CA10: variants seen among roughly 807,000 people sequenced by gnomAD.
CA10 encodes the protein carbonic anhydrase-related protein 10.
CA10 carries 14 observed loss-of-function variants against 44.2 expected under a neutral mutation model. That is an observed-to-expected ratio of 0.32 (90% CI 0.21 to 0.50). The LOEUF (loss-of-function observed/expected upper bound fraction) is 0.50, where lower values mean the gene tolerates loss of function less well. Among genes scored for constraint, CA10 ranks in the 20% least tolerant of loss-of-function variants. The pLI is 0.99. For synonymous variants in CA10, 159 were observed against 141.6 expected (o/e 1.12, Z -0.87); for missense variants, 350 against 409.7 (o/e 0.85, Z 1.26).
At chr17:51,897,463 T>C (rs1326460683) in intron 3 of CA10, among the ~76,000 whole-genome samples, 1 of 152,208 alleles carries the variant, frequency 6.6e-6, no homozygotes, top group Non-Finnish European at 1.5e-5. Context: ...TTTTGGTTAC[T>C]GTAGCCTTGT....
rs190995078 is a variant in CA10, at chr17:51,833,999, C to T, written c.280-86181G>A. On this transcript the variant is annotated intron_variant, in intron 3 of 8. Transcript: ENST00000451037. ...CATGGTACGACCATGGAAAAGGATGCGAAGATGATTTATGTAACTTTCTTT... is the reference window on the plus strand; with the variant it reads ...CATGGTACGACCATGGAAAAGGATGTGAAGATGATTTATGTAACTTTCTTT... Among the ~76,000 whole-genome samples the T allele has an allele frequency of 4.4e-4, 67 of 152,260 alleles. 1 individual carries two copies. The highest frequency in any genetic ancestry group is 1.6e-3 in the African/African-American group (66 of 41,546).
intron 3 of CA10, among the ~76,000 whole-genome samples, chr17:51,902,961 T>TG (rs1981383465): frequency 6.6e-6 from 1 of 152,222 alleles, no homozygotes; most frequent in South Asian, 2.1e-4. Context: ...AGGGACACGC[T>TG]GCTCATCATT....
chr17:52,156,392 A>G (rs1189360612), intron 1 of CA10, among the ~76,000 whole-genome samples: 2 of 152,230 alleles, frequency 1.3e-5, no homozygotes. Context: ...CTTGTCTGCC[A>G]GGTACACAAC....
chr17:52,029,847 A>C (rs1034994093), intron 2 of CA10, among the ~76,000 whole-genome samples: 1 of 131,668 alleles, frequency 7.6e-6, no homozygotes, highest in African/African-American at 2.5e-5. Context: ...GTATGAAAAA[A>C]GCTATGTAAC....
At chr17:51,978,655 C>A (rs35980601) in intron 2 of CA10, among the ~76,000 whole-genome samples, 1 of 151,800 alleles carries the variant, frequency 6.6e-6, no homozygotes, top group African/African-American at 2.4e-5. Context: ...ACACAATAGG[C>A]ATTAACCATT....
chr17:51,884,194 G>T (rs1980496857), intron 3 of CA10, among the ~76,000 whole-genome samples: 1 of 152,110 alleles, frequency 6.6e-6, no homozygotes, highest in Admixed American at 6.6e-5. Flanking sequence ...TTGTTGTAAT[G>T]GCCTTTTCAC....
chr17:51,760,340 C>A (rs1905184553), intron 3 of CA10, among the ~76,000 whole-genome samples: 1 of 152,206 alleles, frequency 6.6e-6, no homozygotes, highest in Admixed American at 6.5e-5. Context: ...GGTGTCCTTG[C>A]CCCTATAGGC....
At chr17:51,982,023 ATAGAT>A (rs1272461211) in intron 2 of CA10, among the ~76,000 whole-genome samples, 9 of 152,090 alleles carry the variant, frequency 5.9e-5, no homozygotes, top group African/African-American at 1.9e-4. Context: ...ATTCAGACTT[ATAGAT>A]TAAACAAATA....
At chr17:51,659,827 T>C (rs1019433413) in intron 4 of CA10, among the ~76,000 whole-genome samples, 10 of 152,222 alleles carry the variant, frequency 6.6e-5, no homozygotes, top group African/African-American at 2.2e-4. Context: ...CCTGTGACTA[T>C]TTGAGTTCAT....
At chr17:51,689,436 G>C (rs1915113612) in intron 4 of CA10, among the ~76,000 whole-genome samples, 1 of 152,174 alleles carries the variant, frequency 6.6e-6, no homozygotes, top group South Asian at 2.1e-4. Context: ...ATGAATGAAT[G>C]ATTACATGAA....
chr17:51,878,143 C>CAATAAA (rs1980167796), intron 3 of CA10, among the ~76,000 whole-genome samples: 1 of 63,686 alleles, frequency 1.6e-5, no homozygotes, highest in Non-Finnish European at 2.7e-5. Context: ...GACTCCGTCT[C>CAATAAA]AAAAAAAAAA....
intron 4 of CA10, among the ~76,000 whole-genome samples, chr17:51,667,178 G>A (rs78740259): frequency 0.016 from 2,386 of 152,292 alleles, 33 homozygotes; most frequent in Admixed American, 0.025. Context: ...GGGAGCCACA[G>A]GAATGCACCA....
At chr17:51,938,310 A>T (rs1367535098) in intron 2 of CA10, among the ~76,000 whole-genome samples, 1 of 152,126 alleles carries the variant, frequency 6.6e-6, no homozygotes, top group Non-Finnish European at 1.5e-5. Context: ...CCACAGTGTG[A>T]TTCCAACACT....
At chr17:51,673,500 G>A (rs1858835) in intron 4 of CA10, among the ~76,000 whole-genome samples, 123 of 152,234 alleles carry the variant, frequency 8.1e-4, no homozygotes, top group Non-Finnish European at 1.4e-3. Flanking sequence ...CGCCTACTGA[G>A]ACTCTTTTGT....
chr17:51,710,520 T>C (rs1047605114), intron 4 of CA10, among the ~76,000 whole-genome samples: 5 of 152,158 alleles, frequency 3.3e-5, no homozygotes, highest in Non-Finnish European at 5.9e-5. Context: ...CTACTTAATA[T>C]TGGGCAGCTC....
chr17:52,037,643 C>G (rs561531933), intron 2 of CA10, among the ~76,000 whole-genome samples: 1 of 152,218 alleles, frequency 6.6e-6, no homozygotes, highest in Non-Finnish European at 1.5e-5. Flanking sequence ...TCACCCTCTC[C>G]CCAAGGACAT....
chr17:52,127,543 AC>A (rs1021850533), intron 1 of CA10, among the ~76,000 whole-genome samples: 4 of 152,162 alleles, frequency 2.6e-5, no homozygotes, highest in South Asian at 2.1e-4. Flanking sequence ...GTAACAATGT[AC>A]ACTTCCACCA....
Position 52,080,453 on chromosome 17 carries a change from AAAATAAATAAATAAATAAATAAAT to A in CA10, c.62-8084_62-8061del, listed in dbSNP as rs71357869. On this transcript the variant is annotated intron_variant, in intron 1 of 8. Coordinates refer to ENST00000451037, the MANE Select transcript of CA10 (RefSeq NM_020178.5). ...GGTGACAGAGCGAGACTCCATCTCA[AAAATAAATAAATAAATAAATAAAT>A]AAATAAATAAATAAATAAATAAATA... is the stretch of plus-strand genomic sequence containing the variant. Among the ~76,000 whole-genome samples, 535 of 138,026 alleles carry A rather than the reference AAAATAAATAAATAAATAAATAAAT, an allele frequency of 3.9e-3. 6 individuals are homozygous for A. Among genetic ancestry groups the A allele is most frequent in the South Asian group, 0.03 (130 of 4,288 alleles). 90.6% of individuals were successfully genotyped at this position (138,026 alleles called of 152,430 possible).
chr17:52,104,150 A>AT lies in CA10; in HGVS notation c.62-31758dup, dbSNP rs201202904. ...CCTGCTCCTTCCTCCTTTGGCTCCC[A>AT]TACAAAGGAGGGTGGGGTCCCTCAT... On this transcript the variant is annotated intron_variant, in intron 1 of 8. Coordinates refer to ENST00000451037, the MANE Select transcript of CA10 (RefSeq NM_020178.5). 4.9e-3 allele frequency among the ~76,000 whole-genome samples: 743 copies of AT among 151,740 alleles called. 4 individuals carry two copies. Among genetic ancestry groups the AT allele is most frequent in the South Asian group, 0.029 (139 of 4,784 alleles).
Sources: gnomAD v4.1 joint callset for allele counts (sites outside exome capture counted in the v4.1 genomes callset) on GRCh38, gnomAD v4.1.1 for gene constraint, MANE v1.5 for transcripts, NCBI Gene and HGNC (gene_info 2026-07-23, HGNC 2026-07-21) for gene names.